LAPTM4A: variants seen among roughly 807,000 people sequenced by gnomAD.
The protein encoded by LAPTM4A is lysosomal protein transmembrane 4 alpha, also known as lysosomal-associated transmembrane protein 4A.
A neutral mutation model predicts 29.9 loss-of-function variants in LAPTM4A; 19 were observed. The ratio of observed to expected loss-of-function variants is 0.64; its 90% confidence interval spans 0.44 to 0.93. The LOEUF (loss-of-function observed/expected upper bound fraction) is 0.93. Among genes scored for constraint, LAPTM4A ranks in the 40% least tolerant of loss-of-function variants. The pLI, the probability that LAPTM4A is intolerant of heterozygous loss-of-function variation, is 0.00. For missense variants in LAPTM4A, 293 were observed against 288.5 expected, an observed-to-expected ratio of 1.02 and a Z score of -0.11; for synonymous variants, 105 against 102.1, an observed-to-expected ratio of 1.03 and a Z score of -0.17.
chr2:20,034,902 A>T lies in LAPTM4A; in HGVS notation c.528+65T>A, dbSNP rs1673646739. 7.7e-6 allele frequency: 9 copies of T among 1,166,446 alleles called. No homozygotes were observed. The South Asian group carries it at 1.2e-4, about 15-fold the overall frequency. The allele number at this position is 1,166,446 out of a possible 1,614,324, so 72.3% of individuals were successfully genotyped here. On this transcript the variant is annotated intron_variant, in intron 5 of 6. Transcript: ENST00000175091. ...TCCTGTGACTTGTAAGGTGAAAGGC[A>T]GCAAAAAGGTTTAGATTCACAGTGT...
At chr2:20,051,343 A>AC (rs1186619626) in intron 1 of LAPTM4A, 67 bp downstream of exon 1, 2 of 886,824 alleles carry the variant, frequency 2.3e-6, no homozygotes, top group African/African-American at 2.0e-5. Flanking sequence ...TTCCAGTCTC[A>AC]CCCCCTCCGC....
intron 2 of LAPTM4A, among the ~76,000 whole-genome samples, chr2:20,038,725 C>G (rs1673733116): frequency 6.6e-6 from 1 of 152,114 alleles, no homozygotes; most frequent in South Asian, 2.1e-4. Context: ...CACCTGTAAT[C>G]TCAGTACTCT....
At chr2:20,051,327 C>A (rs1411966773) in intron 1 of LAPTM4A, 83 bp downstream of exon 1, 6 of 731,810 alleles carry the variant, frequency 8.2e-6, no homozygotes, top group East Asian at 3.0e-5. Context: ...CCACCCAACA[C>A]CCCGTTTCCA....
At chr2:20,047,377 A>G (rs1291482947) in intron 1 of LAPTM4A, among the ~76,000 whole-genome samples, 5 of 138,744 alleles carry the variant, frequency 3.6e-5, no homozygotes, top group African/African-American at 1.4e-4. Context: ...ACAGAGCAAG[A>G]CTCTGTCTCA....
chr2:20,040,906 A>C lies in LAPTM4A; in HGVS notation c.217T>G (p.Ser73Ala). The C allele has an allele frequency of 6.2e-7, 1 of 1,613,840 alleles. No individual in the cohort carries two copies. Among genetic ancestry groups the C allele is most frequent in the South Asian group, 1.1e-5 (1 of 91,060 alleles). ...AAACACATACCAGCCATTCTCTCAG[A>C]CGAATAGTAATTACCGATGACTTCA... ...QYEVIGNYYS[S>A]ERMADNACVL... The change falls in exon 2 of 7, where the codon TCT becomes GCT. Residue 73 changes from serine (S) to alanine (A), a missense_variant. Transcript: ENST00000175091.
At chr2:20,045,506 T>TGGCA (rs1673898510) in intron 1 of LAPTM4A, among the ~76,000 whole-genome samples, 1 of 152,062 alleles carries the variant, frequency 6.6e-6, no homozygotes. Context: ...CTTCTAAACT[T>TGGCA]GGCAATATGG....
intron 3 of LAPTM4A, 25 bp from the exon 4 acceptor site, chr2:20,037,463 C>T (rs768721494): frequency 4.4e-6 from 7 of 1,605,544 alleles, no homozygotes; most frequent in Non-Finnish European, 5.1e-6. Flanking sequence ...ACAACCATAA[C>T]ATTGTATCAC....
intron 4 of LAPTM4A, among the ~76,000 whole-genome samples, chr2:20,035,598 T>C (rs1456134851): frequency 6.6e-6 from 1 of 152,248 alleles, no homozygotes; most frequent in East Asian, 1.9e-4. Flanking sequence ...TCTGTTCTAC[T>C]GAAAAGCATC....
At chr2:20,049,791 T>C (rs530428995) in intron 1 of LAPTM4A, among the ~76,000 whole-genome samples, 1 of 152,226 alleles carries the variant, frequency 6.6e-6, no homozygotes, top group South Asian at 2.1e-4. Context: ...TTCTCTTAGT[T>C]AAATAGGAAA....
chr2:20,033,155 T>C lies in LAPTM4A; in HGVS notation c.*50A>G, dbSNP rs1558382941. The stretch of plus-strand genomic sequence containing the variant: ...CCCTGAATTGCAGCATTCTGTAACA[T>C]AAACAAACAAAAAGCTGGTATAGGA... On this transcript the variant is annotated 3_prime_UTR_variant, in exon 7 of 7. Transcript: ENST00000175091. 4.8e-6 allele frequency: 7 copies of C among 1,449,646 alleles called. No homozygotes were observed. Among genetic ancestry groups the C allele is most frequent in the East Asian group, 2.3e-5 (1 of 44,052 alleles). The allele number at this position is 1,449,646 out of a possible 1,614,324, so 89.8% of individuals were successfully genotyped here.
intron 4 of LAPTM4A, 199 bp from the exon 5 acceptor site, chr2:20,035,261 T>G: frequency 1.9e-6 from 1 of 538,446 alleles, no homozygotes; most frequent in Non-Finnish European, 3.4e-6. Context: ...TCACTTAGAG[T>G]ACATTTGATA....
chr2:20,037,726 A>G (rs1281085289), intron 2 of LAPTM4A, 112 bp from the exon 3 acceptor site: 11 of 662,640 alleles, frequency 1.7e-5, no homozygotes, highest in Non-Finnish European at 1.9e-5. Flanking sequence ...AAAATTGGCT[A>G]TAAAAAGATC....
intron 6 of LAPTM4A, 27 bp downstream of exon 6, chr2:20,034,290 C>A (rs1167541951): frequency 6.8e-7 from 1 of 1,465,296 alleles, no homozygotes. Flanking sequence ...GACTGGTGAC[C>A]TTTTACTCTA....
rs1674077262 is a variant in LAPTM4A at position 20,051,609 on chromosome 2, A to G, written c.-89T>C. On this transcript the variant is annotated 5_prime_UTR_variant, in exon 1 of 7. Transcript: ENST00000175091. ...TCAAACGGCTGTTTCACGGCCTCCA[A>G]AACCCAACGACGCGTCTTCAAACCC... 2 of 836,146 alleles carry G rather than the reference A, an allele frequency of 2.4e-6. No homozygotes were observed. Among genetic ancestry groups the G allele is most frequent in the South Asian group, 3.3e-5 (2 of 60,224 alleles). 51.8% of individuals were successfully genotyped at this position (836,146 alleles called of 1,614,324 possible).
rs1473766554 is a variant in LAPTM4A, at chr2:20,037,300, G to A, written c.432+16C>T. On this transcript the variant is annotated intron_variant, in intron 4 of 6. Coordinates refer to ENST00000175091, the MANE Select transcript of LAPTM4A (RefSeq NM_014713.5). ...AAAATGAAAAAAAAATAAGTTTAAT[G>A]AGCATACACACTTACTAGTTGATCC... The A allele has an allele frequency of 6.4e-7, 1 of 1,559,340 alleles. No homozygotes were observed. The highest frequency in any genetic ancestry group is 2.1e-5 in the Admixed American group (1 of 48,408).
chr2:20,034,828 A>C (rs1673645593), intron 5 of LAPTM4A, 139 bp downstream of exon 5: 1 of 656,240 alleles, frequency 1.5e-6, no homozygotes. Flanking sequence ...CCTAGAAGCT[A>C]TCTCTGCTCA....
chr2:20,036,071 G>A (rs1017918288), intron 4 of LAPTM4A, among the ~76,000 whole-genome samples: 1 of 152,142 alleles, frequency 6.6e-6, no homozygotes, highest in Admixed American at 6.5e-5. Flanking sequence ...AGCTCATGAG[G>A]GAATGCTATG....
At chr2:20,039,084 T>G (rs1219749268) in intron 2 of LAPTM4A, among the ~76,000 whole-genome samples, 2 of 152,072 alleles carry the variant, frequency 1.3e-5, no homozygotes. Flanking sequence ...GCCCAGCTAA[T>G]TTTTGTATTT....
chr2:20,037,036 C>T (rs954951323), intron 4 of LAPTM4A, among the ~76,000 whole-genome samples: 2 of 152,166 alleles, frequency 1.3e-5, no homozygotes, highest in Admixed American at 1.3e-4. Flanking sequence ...AATTACTGTA[C>T]CTTTGGATGC....
Sources: gnomAD v4.1 joint callset for allele counts (sites outside exome capture counted in the v4.1 genomes callset) on GRCh38, gnomAD v4.1.1 for gene constraint, MANE v1.5 for transcripts, NCBI Gene and HGNC (gene_info 2026-07-23, HGNC 2026-07-21) for gene names.